The following NCKAP5 variants were observed in gnomAD, a reference collection of about 807,000 sequenced individuals.
NCKAP5 encodes the protein nck-associated protein 5.
A neutral mutation model predicts 167.0 loss-of-function variants in NCKAP5; 92 were observed. The observed-to-expected ratio is 0.55, with a 90% CI of 0.47 to 0.66. The LOEUF (loss-of-function observed/expected upper bound fraction) is 0.66, where lower values mean the gene tolerates loss of function less well. NCKAP5 is among the 30% of genes least tolerant of loss of function. NCKAP5 has a pLI of 0.00. For missense variants in NCKAP5, 2,378 were observed against 2,315.0 expected, an observed-to-expected ratio of 1.03 and a Z score of -0.56; for synonymous variants, 891 against 877.4, an observed-to-expected ratio of 1.02 and a Z score of -0.27.
chr2:133,200,213 A>G (rs1450085202), intron 5 of NCKAP5, among the ~76,000 whole-genome samples: 2 of 151,974 alleles, frequency 1.3e-5, no homozygotes, highest in African/African-American at 4.8e-5. Context: ...TTACTATAGT[A>G]GTATTTGTGT....
At chr2:133,085,881 A>C (rs977898683) in intron 6 of NCKAP5, among the ~76,000 whole-genome samples, 1 of 152,176 alleles carries the variant, frequency 6.6e-6, no homozygotes, top group Non-Finnish European at 1.5e-5. Context: ...AGATGAGAAA[A>C]GGTAAAGGAA....
At chr2:132,930,873 CAG>C (rs1696322183) in intron 8 of NCKAP5, 2 of 152,146 alleles carry the variant, frequency 1.3e-5, no homozygotes, top group African/African-American at 2.4e-5. Flanking sequence ...CCCAGTACTA[CAG>C]ACTCATTTTT....
At chr2:133,193,626 G>A (rs2150090125) in intron 5 of NCKAP5, among the ~76,000 whole-genome samples, 1 of 152,176 alleles carries the variant, frequency 6.6e-6, no homozygotes, top group East Asian at 1.9e-4. Context: ...ATAAAAAGCA[G>A]CAGTTCAAAT....
chr2:133,592,445 C>G, the NCKAP5 span, among the ~76,000 whole-genome samples: 1 of 152,210 alleles, frequency 6.6e-6, no homozygotes, highest in Non-Finnish European at 1.5e-5. Context: ...TTGACTCTTT[C>G]TGCATTTCCC....
chr2:133,013,992 C>T (rs1216009198), intron 6 of NCKAP5, among the ~76,000 whole-genome samples: 2 of 152,208 alleles, frequency 1.3e-5, no homozygotes, highest in Non-Finnish European at 2.9e-5. Flanking sequence ...TTGACCAATG[C>T]CTCTATTTCC....
At chr2:133,148,878 G>A (rs1165651425) in intron 5 of NCKAP5, among the ~76,000 whole-genome samples, 2 of 151,996 alleles carry the variant, frequency 1.3e-5, no homozygotes, top group Non-Finnish European at 2.9e-5. Context: ...TCGAATTTTG[G>A]GAGGACACAA....
Position 132,868,931 on chromosome 2 carries a change from C to G in NCKAP5, c.687+5G>C. The G allele has an allele frequency of 6.5e-7, 1 of 1,543,804 alleles. No individual in the cohort carries two copies. The highest frequency in any genetic ancestry group is 8.7e-7 in the Non-Finnish European group (1 of 1,145,154). The stretch of plus-strand genomic sequence containing the variant: ...TGAAAAGAACAAAGTCAGAAAGTGA[C>G]CTACCTTTTGAGTAAGCAGAGCTTG... On this transcript the variant is annotated splice_donor_5th_base_variant and intron_variant, in intron 10 of 19. Transcript: ENST00000409261.
intron 9 of NCKAP5, among the ~76,000 whole-genome samples, chr2:132,877,928 T>G (rs1489091213): frequency 6.6e-6 from 1 of 152,224 alleles, no homozygotes; most frequent in African/African-American, 2.4e-5. Flanking sequence ...TTCTAAAATC[T>G]GCATCAGGTA....
At chr2:133,121,995 T>C (rs190583574) in intron 6 of NCKAP5, 2 of 152,374 alleles carry the variant, frequency 1.3e-5, no homozygotes, top group African/African-American at 2.4e-5. Context: ...CCATACTTTA[T>C]GACTTCGTCA....
chr2:133,617,735 AATT>A, the NCKAP5 span, among the ~76,000 whole-genome samples: 1 of 151,858 alleles, frequency 6.6e-6, no homozygotes, highest in Non-Finnish European at 1.5e-5. Flanking sequence ...TGCCCAAGGT[AATT>A]TATAGATTCA....
At chr2:133,131,967 CAA>C (rs3051214) in intron 5 of NCKAP5, among the ~76,000 whole-genome samples, 2 of 148,184 alleles carry the variant, frequency 1.3e-5, no homozygotes, top group Non-Finnish European at 3.0e-5. Context: ...AGAAACAGGC[CAA>C]AAAAAAAATG....
At chr2:132,725,369 A>G (rs1200558296) in intron 19 of NCKAP5, among the ~76,000 whole-genome samples, 1 of 152,244 alleles carries the variant, frequency 6.6e-6, no homozygotes, top group African/African-American at 2.4e-5. Context: ...AGATAACTCA[A>G]TTGGAGGCTG....
At chr2:133,504,749 C>A (rs1682848064) in intron 3 of NCKAP5, among the ~76,000 whole-genome samples, 1 of 152,210 alleles carries the variant, frequency 6.6e-6, no homozygotes, top group South Asian at 2.1e-4. Flanking sequence ...GGGCCAGTTC[C>A]CAGGGTTGGT....
intron 9 of NCKAP5, among the ~76,000 whole-genome samples, chr2:132,877,896 C>A (rs1043991346): frequency 2.6e-5 from 4 of 152,140 alleles, no homozygotes; most frequent in African/African-American, 9.7e-5. Flanking sequence ...TGGAACCAGA[C>A]GAAATGCAGT....
At chr2:133,000,209 T>A (rs1281121000) in intron 6 of NCKAP5, among the ~76,000 whole-genome samples, 1 of 152,202 alleles carries the variant, frequency 6.6e-6, no homozygotes, top group Non-Finnish European at 1.5e-5. Context: ...TTCATTGTAT[T>A]TGACTCCCAA....
At chr2:132,917,340 A>T (rs1694964520) in intron 8 of NCKAP5, among the ~76,000 whole-genome samples, 1 of 152,184 alleles carries the variant, frequency 6.6e-6, no homozygotes, top group Non-Finnish European at 1.5e-5. Flanking sequence ...TATAAGATCC[A>T]TACGTTTGGC....
chr2:133,563,987 A>G (rs1688367323), intron 1 of NCKAP5, among the ~76,000 whole-genome samples: 1 of 152,154 alleles, frequency 6.6e-6, no homozygotes, highest in African/African-American at 2.4e-5. Flanking sequence ...TACAAAAATT[A>G]TCTGGGTGTG....
At chr2:133,133,323 T>G (rs2149807670) in intron 5 of NCKAP5, among the ~76,000 whole-genome samples, 1 of 152,354 alleles carries the variant, frequency 6.6e-6, no homozygotes, top group Non-Finnish European at 1.5e-5. Context: ...TGAAGACACC[T>G]GCCTAGGAGA....
chr2:132,888,749 C>T (rs6707526), intron 8 of NCKAP5, among the ~76,000 whole-genome samples: 47,344 of 152,128 alleles, frequency 0.31, 7,689 homozygotes, highest in Non-Finnish European at 0.36. Context: ...ATTCTGACAA[C>T]TGACAAAATA....
Sources: gnomAD v4.1 joint callset for allele counts (sites outside exome capture counted in the v4.1 genomes callset) on GRCh38, gnomAD v4.1.1 for gene constraint, MANE v1.5 for transcripts, NCBI Gene and HGNC (gene_info 2026-07-23, HGNC 2026-07-21) for gene names.